The following COL5A1 variants were observed in gnomAD, a reference collection of about 807,000 sequenced individuals.
The protein encoded by COL5A1 is collagen alpha-1(V) chain.
Under a neutral mutation model 263.7 loss-of-function variants are expected in COL5A1, and 16 were observed. That is an observed-to-expected ratio of 0.06 (90% CI 0.04 to 0.09). COL5A1 has a LOEUF of 0.09. COL5A1 is among the 10% of genes least tolerant of loss of function. The pLI is 1.00. For missense variants in COL5A1, 2,036 were observed against 2,540.5 expected, an observed-to-expected ratio of 0.80 and a Z score of 4.27; for synonymous variants, 1,012 against 1,004.5, an observed-to-expected ratio of 1.01 and a Z score of -0.14.
At chr9:134,793,258 A>G (rs1837782407) in intron 32 of COL5A1, among the ~76,000 whole-genome samples, 1 of 151,990 alleles carries the variant, frequency 6.6e-6, no homozygotes, top group Non-Finnish European at 1.5e-5. Context: ...CCCCAGTAGA[A>G]GGTCCCCTCT....
chr9:134,761,021 TACAC>T (rs1443822283), intron 18 of COL5A1, among the ~76,000 whole-genome samples: 1 of 137,478 alleles, frequency 7.3e-6, no homozygotes, highest in East Asian at 2.3e-4. Flanking sequence ...CACACACGCA[TACAC>T]ACGTGCACAG....
At position 134,758,764 on chromosome 9, in the gene COL5A1, CCT is replaced by C. The variant is rs1438539937; in HGVS notation, c.1935+469_1935+470del. Among the ~76,000 whole-genome samples the C allele has an allele frequency of 6.6e-6, 1 of 152,132 alleles. No individual in the cohort carries two copies. Among genetic ancestry groups the C allele is most frequent in the African/African-American group, 2.4e-5 (1 of 41,404 alleles). ...GTCACGAAAACATGCCAGGTGTCCC[CCT>C]GTTCCCTGTTAATGGGCGTGGATGA... On this transcript the variant is annotated intron_variant, in intron 18 of 65. Transcript: ENST00000371817. This position sits in a 1 kb window ranked among gnomAD's most constrained non-coding sequence, Gnocchi z 4.1.
rs141457447 is a variant in COL5A1, at chr9:134,674,332, G to C, written c.110-16580G>C. ...TTGGCAACAGAAGGCATGAGTGCCC[G>C]AACAGGGTGGCACGAAAGCACTGTG... On this transcript the variant is annotated intron_variant, in intron 1 of 65. Coordinates refer to ENST00000371817, the MANE Select transcript of COL5A1 (RefSeq NM_000093.5). Among the ~76,000 whole-genome samples the C allele has an allele frequency of 2.0e-5, 3 of 152,312 alleles. No individual in the cohort carries two copies. In the South Asian group the frequency reaches 6.2e-4, roughly 32 times the overall value.
At chr9:134,727,177 C>G in intron 4 of COL5A1, 89 bp from the exon 5 acceptor site, 1 of 1,420,156 alleles carries the variant, frequency 7.0e-7, no homozygotes, top group Non-Finnish European at 9.9e-7. Context: ...CTGGACTTTC[C>G]CCTGCTTCAA....
intron 11 of COL5A1, among the ~76,000 whole-genome samples, chr9:134,740,641 G>A (rs1345503178): frequency 1.3e-5 from 2 of 152,196 alleles, no homozygotes; most frequent in Admixed American, 6.5e-5. Context: ...GCAGGGCTGG[G>A]CACTGCTCTA....
intron 44 of COL5A1, among the ~76,000 whole-genome samples, chr9:134,811,087 A>G (rs986964941): frequency 3.3e-5 from 5 of 152,146 alleles, no homozygotes; most frequent in African/African-American, 1.2e-4. Flanking sequence ...CTGAGATGAC[A>G]CACGGTGGTC....
intron 64 of COL5A1, 105 bp downstream of exon 64, chr9:134,830,149 G>T: frequency 6.2e-7 from 1 of 1,611,872 alleles, no homozygotes; most frequent in South Asian, 1.1e-5. Flanking sequence ...CTTCCACCTG[G>T]TATAGTCAGT....
intron 26 of COL5A1, among the ~76,000 whole-genome samples, chr9:134,774,102 G>A (rs557955403): frequency 6.6e-6 from 1 of 152,252 alleles, no homozygotes; most frequent in Admixed American, 6.5e-5. Flanking sequence ...CTGAGAGCTG[G>A]CTTTTCAACT....
chr9:134,842,092 G>A lies in COL5A1; in HGVS notation c.5371-65G>A, dbSNP rs1249217161. 1 of 1,587,450 alleles carries A rather than the reference G, an allele frequency of 6.3e-7. No homozygotes were observed. The highest frequency in any genetic ancestry group is 2.2e-5 in the East Asian group (1 of 44,688). ...TGGAGCCAGACAGATTGTGGGGGGTGATTGGTAAACCCCAAGACCCCCAAC... is the reference window on the plus strand; with the variant it reads ...TGGAGCCAGACAGATTGTGGGGGGTAATTGGTAAACCCCAAGACCCCCAAC... On this transcript the variant is annotated intron_variant, in intron 65 of 65. Coordinates refer to ENST00000371817, the MANE Select transcript of COL5A1 (RefSeq NM_000093.5). The surrounding 1 kb of genome is among the most constrained non-coding windows in gnomAD (Gnocchi z 5.8).
chr9:134,831,382 G>A (rs1339239744), intron 64 of COL5A1, among the ~76,000 whole-genome samples: 1 of 152,206 alleles, frequency 6.6e-6, no homozygotes, highest in Non-Finnish European at 1.5e-5. Context: ...GTTTGCCGTG[G>A]ACTTGCAGTC....
chr9:134,701,027 A>G lies in COL5A1; in HGVS notation c.492-144A>G, dbSNP rs569310164. 2.1e-5 allele frequency: 17 copies of G among 814,718 alleles called. No homozygotes were observed. The East Asian group carries it at 4.0e-4, about 19-fold the overall frequency. The allele number at this position is 814,718 out of a possible 1,614,324, so 50.5% of individuals were successfully genotyped here. On this transcript the variant is annotated intron_variant, in intron 3 of 65. Transcript: ENST00000371817. The stretch of plus-strand genomic sequence containing the variant: ...GTGTTGCCCTAACTTGTCTGATTCC[A>G]GAGGCTGGGCCTTGATCTGCTCCGC...
rs1837194678 is a variant in COL5A1 at position 134,780,084 on chromosome 9, C to T, written c.2386-18C>T. On this transcript the variant is annotated intron_variant, in intron 27 of 65. Transcript: ENST00000371817. ...GACTTGTAACCATTCACTCCTTTTT[C>T]TTTTCCCACCCGCACAGGGGGCCGA... is the stretch of plus-strand genomic sequence containing the variant. 6.2e-7 allele frequency: 1 copy of T among 1,613,406 alleles called. No individual in the cohort carries two copies. The highest frequency in any genetic ancestry group is 2.2e-5 in the East Asian group (1 of 44,890).
At chr9:134,692,320 C>T (rs1833314454) in intron 2 of COL5A1, among the ~76,000 whole-genome samples, 1 of 152,172 alleles carries the variant, frequency 6.6e-6, no homozygotes. Context: ...AACTCATCGG[C>T]TCAGACAGCC....
intron 4 of COL5A1, among the ~76,000 whole-genome samples, chr9:134,714,376 C>T (rs996898400): frequency 6.1e-5 from 9 of 146,608 alleles, no homozygotes; most frequent in African/African-American, 1.0e-4. Context: ...TGGTAATGGT[C>T]ATGATGGTAG....
At chr9:134,704,079 T>G (rs1833763892) in intron 4 of COL5A1, among the ~76,000 whole-genome samples, 1 of 152,154 alleles carries the variant, frequency 6.6e-6, no homozygotes, top group African/African-American at 2.4e-5. Flanking sequence ...CAAATAGTGC[T>G]TCATTGATAT....
intron 1 of COL5A1, among the ~76,000 whole-genome samples, chr9:134,651,921 G>A (rs180742719): frequency 6.6e-6 from 1 of 152,128 alleles, no homozygotes; most frequent in Non-Finnish European, 1.5e-5. Context: ...CTATTTCTCT[G>A]CTCTTCCCCT....
At chr9:134,801,267 G>A (rs1205704288) in intron 37 of COL5A1, among the ~76,000 whole-genome samples, 2 of 152,250 alleles carry the variant, frequency 1.3e-5, no homozygotes, top group Admixed American at 6.5e-5. Flanking sequence ...TGAGGAGCAC[G>A]CGGGCAGAGT....
At chr9:134,747,796 C>A (rs531558464) in intron 11 of COL5A1, among the ~76,000 whole-genome samples, 1 of 150,488 alleles carries the variant, frequency 6.6e-6, no homozygotes, top group Non-Finnish European at 1.5e-5. Context: ...TGCATTCATA[C>A]ACACATGCAG....
At chr9:134,766,618 G>C (rs1239203659) in intron 22 of COL5A1, 120 bp downstream of exon 22, 9 of 1,050,140 alleles carry the variant, frequency 8.6e-6, no homozygotes, top group Admixed American at 2.1e-5. Flanking sequence ...GCAGGTTGCA[G>C]ACCCTCTGCT....
Sources: allele counts gnomAD v4.1 joint callset (sites outside exome capture counted in the v4.1 genomes callset), GRCh38; gene constraint gnomAD v4.1.1; non-coding constraint Gnocchi (gnomAD v3.1); transcripts MANE v1.5; gene names NCBI Gene and HGNC (gene_info 2026-07-23, HGNC 2026-07-21).